Variants in CDK5RAP3 observed in about 807,000 individuals in gnomAD.
CDK5RAP3 encodes CDK5 regulatory subunit-associated protein 3.
In CDK5RAP3, 58 loss-of-function variants were observed where a neutral mutation model predicts 73.3. That is an observed-to-expected ratio of 0.79 (90% CI 0.64 to 0.98). The LOEUF (loss-of-function observed/expected upper bound fraction) is 0.98, where lower values mean the gene tolerates loss of function less well. Among genes scored for constraint, CDK5RAP3 ranks in the 50% least tolerant of loss-of-function variants. The probability of loss-of-function intolerance (pLI) is 0.00; values close to 1 mark genes in which losing one functional copy is unlikely to be tolerated. For missense variants in CDK5RAP3, 525 were observed against 615.8 expected (o/e 0.85, Z 1.56); for synonymous variants, 224 against 247.5 (o/e 0.91, Z 0.89).
At chr17:47,974,609 T>A in intron 5 of CDK5RAP3, 161 bp downstream of exon 5, 1 of 1,456,186 alleles carries the variant, frequency 6.9e-7, no homozygotes, top group Non-Finnish European at 9.1e-7. Flanking sequence ...TTTGATGGAA[T>A]TGATTTTCCC....
intron 9 of CDK5RAP3, among the ~76,000 whole-genome samples, chr17:47,977,578 C>T (rs2036445069): frequency 6.6e-6 from 1 of 152,136 alleles, no homozygotes; most frequent in African/African-American, 2.4e-5. Context: ...TGCGCCCAGC[C>T]CATGTGAGAG....
chr17:47,970,969 G>A (rs1326615070), upstream of CDK5RAP3: 24 of 1,460,872 alleles, frequency 1.6e-5, no homozygotes, highest in East Asian at 6.0e-4. Flanking sequence ...CGGAGCCTGG[G>A]GTGGGCGGGG....
chr17:47,974,102 T>A, intron 4 of CDK5RAP3, 71 bp downstream of exon 4: 5 of 1,060,850 alleles, frequency 4.7e-6, no homozygotes, highest in Non-Finnish European at 7.4e-6. Context: ...GCCTCTGTGG[T>A]CTCTCTGAGG....
At chr17:47,977,786 A>C in intron 9 of CDK5RAP3, 46 bp from the exon 10 acceptor site, 1 of 1,533,162 alleles carries the variant, frequency 6.5e-7, no homozygotes. Context: ...TCCTTGGCTC[A>C]GGAAAATTCT....
intron 3 of CDK5RAP3, 118 bp from the exon 4 acceptor site, chr17:47,973,813 G>A (rs1446292529): frequency 2.3e-5 from 28 of 1,218,168 alleles, no homozygotes; most frequent in Non-Finnish European, 2.8e-5. Flanking sequence ...AATGATTTAG[G>A]GAAAAGCTAC....
rs2036548569 is a variant in CDK5RAP3 at position 47,981,292 on chromosome 17, G to C, written c.1413G>C (p.Lys471Asn). Residue 471 changes from lysine (K) to asparagine (N), a missense_variant, in exon 13 of 14, where the codon AAG becomes AAC. Lys to Asn is a moderately conservative substitution (Grantham distance 94). Transcript: ENST00000338399. ...AGGAGCAGGCGGCTCTGGAGCCTAA[G>C]CTGGACCTGCTACTGGAGAAGACCA... The part of the protein sequence containing the change: ...ALEEQAALEP[K>N]LDLLLEKTKE... 1 of 1,614,128 alleles carries C rather than the reference G, an allele frequency of 6.2e-7. No homozygotes were observed. The highest frequency in any genetic ancestry group is 1.3e-5 in the African/African-American group (1 of 74,952).
rs763598750 is a variant in CDK5RAP3 at position 47,976,784 on chromosome 17, G to A, written c.871G>A (p.Gly291Arg). Residue 291 changes from glycine (G) to arginine (R), a missense_variant, in exon 9 of 14, where the codon GGA (glycine) becomes AGA (arginine). Transcript: ENST00000338399. ...CTCTGGCATCTCTGCCGAGGCTGCT[G>A]GAATCGACTGGGGCATCTTCCCGGA... is the stretch of plus-strand genomic sequence containing the variant. ...TDSGISAEAA[G>R]IDWGIFPESD... 1.0e-4 allele frequency: 168 copies of A among 1,611,482 alleles called. No individual in the cohort carries two copies. The highest frequency in any genetic ancestry group is 1.3e-4 in the Non-Finnish European group (153 of 1,178,644).
chr17:47,973,678 T>A (rs2036322281), intron 3 of CDK5RAP3, 28 bp downstream of exon 3: 2 of 1,611,558 alleles, frequency 1.2e-6, no homozygotes, highest in African/African-American at 1.3e-5. Context: ...GTCACTGGAG[T>A]CCCCTCTTTG....
At position 47,973,945 on chromosome 17, in the gene CDK5RAP3, C is replaced by A. The variant is rs767085330; in HGVS notation, c.199C>A (p.His67Asn). 17 of 1,613,426 alleles carry A rather than the reference C, an allele frequency of 1.1e-5. No individual in the cohort carries two copies. The highest frequency in any genetic ancestry group is 1.0e-4 in the Admixed American group (6 of 60,006). ...LLSGSYIHYF[H>N]CLRILDLLKG... ...TTGCTTTCTAGACATTCACTACTTT[C>A]ACTGCCTAAGAATCCTGGACCTTCT... Residue 67 changes from histidine to asparagine, a missense_variant, in exon 4 of 14, where the codon CAC becomes AAC. His to Asn is a moderately conservative substitution (Grantham distance 68). Coordinates refer to ENST00000338399, the MANE Select transcript of CDK5RAP3 (RefSeq NM_176096.3).
At position 47,981,098 on chromosome 17, in the gene CDK5RAP3, A is replaced by G. The variant is rs2036542061; in HGVS notation, c.1284-65A>G. 9 of 1,527,442 alleles carry G rather than the reference A, an allele frequency of 5.9e-6. No individual in the cohort carries two copies. In the Admixed American group the frequency reaches 1.7e-4, roughly 29 times the overall value. The allele number at this position is 1,527,442 out of a possible 1,614,324, so 94.6% of individuals were successfully genotyped here. A position where few individuals can be genotyped will look rare whatever the true frequency, so the allele number is the denominator to read the frequency against. On this transcript the variant is annotated intron_variant, in intron 12 of 13. Transcript: ENST00000338399. ...GGTTTCCCGAGCCTCTCACCTCCCCAGCAGCTGAATGGGAATGCTCAGGAT... is the reference window on the plus strand; with the variant it reads ...GGTTTCCCGAGCCTCTCACCTCCCCGGCAGCTGAATGGGAATGCTCAGGAT...
Position 47,981,761 on chromosome 17 carries a change from GA to G in CDK5RAP3, c.*265del. On this transcript the variant is annotated 3_prime_UTR_variant, in exon 14 of 14. Coordinates refer to ENST00000338399, the MANE Select transcript of CDK5RAP3 (RefSeq NM_176096.3). ...TAGTATAGCGGACTTAATAAAAGAG[GA>G]AAAAACTCTTGCTTCAGTACTGACA... 6.8e-7 allele frequency: 1 copy of G among 1,472,300 alleles called. No homozygotes were observed. Among genetic ancestry groups the G allele is most frequent in the South Asian group, 1.2e-5 (1 of 82,294 alleles). The allele number at this position is 1,472,300 out of a possible 1,614,324, so 91.2% of individuals were successfully genotyped here.
intron 5 of CDK5RAP3, chr17:47,974,731 G>A (rs1379208271): frequency 7.5e-7 from 1 of 1,329,588 alleles, no homozygotes; most frequent in South Asian, 1.6e-5. Context: ...GTTAGCGGGA[G>A]TGTGCTGCCC....
intron 2 of CDK5RAP3, 76 bp downstream of exon 2, chr17:47,971,483 A>G: frequency 7.2e-7 from 1 of 1,395,152 alleles, no homozygotes; most frequent in Non-Finnish European, 9.7e-7. Context: ...AATAGCCGGG[A>G]GCTCTGACCC....
upstream of CDK5RAP3, chr17:47,970,747 CG>C: frequency 6.5e-7 from 1 of 1,529,166 alleles, no homozygotes; most frequent in Non-Finnish European, 8.8e-7. Context: ...CCTCCCAGAT[CG>C]GCGCTAGGAC....
chr17:47,973,269 T>C (rs2256020), intron 2 of CDK5RAP3, among the ~76,000 whole-genome samples: 26,575 of 152,144 alleles, frequency 0.17, 3,179 homozygotes, highest in East Asian at 0.52. Context: ...CAATTTAAAC[T>C]TTTTGTTATC....
chr17:47,971,259 G>C, intron 1 of CDK5RAP3, 103 bp from the exon 2 acceptor site: 1 of 1,539,808 alleles, frequency 6.5e-7, no homozygotes, highest in Non-Finnish European at 8.8e-7. Flanking sequence ...CTCTGGCCCC[G>C]TTCTGGCCCT....
At chr17:47,978,091 C>T (rs1405163653) in intron 10 of CDK5RAP3, 181 bp downstream of exon 10, 7 of 432,552 alleles carry the variant, frequency 1.6e-5, no homozygotes, top group African/African-American at 8.2e-5. Flanking sequence ...TTTTTGGAGA[C>T]GGAGTTTCGC....
intron 5 of CDK5RAP3, 134 bp downstream of exon 5, chr17:47,974,582 T>TC: frequency 6.6e-7 from 1 of 1,522,500 alleles, no homozygotes. Context: ...CATTTGTAGG[T>TC]GGTAAAATCA....
chr17:47,974,056 G>T, intron 4 of CDK5RAP3, 25 bp downstream of exon 4: 1 of 1,525,680 alleles, frequency 6.6e-7, no homozygotes, highest in East Asian at 2.2e-5. Flanking sequence ...AGGGCCGGTA[G>T]TATGTGGTTG....
Sources: allele counts gnomAD v4.1 joint callset (sites outside exome capture counted in the v4.1 genomes callset), GRCh38; gene constraint gnomAD v4.1.1; transcripts MANE v1.5; gene names NCBI Gene and HGNC (gene_info 2026-07-23, HGNC 2026-07-21).